Variants in UHRF2 observed in about 807,000 individuals in gnomAD.
UHRF2 encodes E3 ubiquitin-protein ligase UHRF2.
A neutral mutation model predicts 96.8 loss-of-function variants in UHRF2; 23 were observed. That is an observed-to-expected ratio of 0.24 (90% confidence interval 0.17 to 0.34). UHRF2 has a LOEUF of 0.34. Among genes scored for constraint, UHRF2 ranks in the 10% least tolerant of loss-of-function variants. UHRF2 has a pLI of 1.00. For synonymous variants in UHRF2, 385 were observed against 332.6 expected, an observed-to-expected ratio of 1.16 and a Z score of -1.72; for missense variants, 685 against 981.5, an observed-to-expected ratio of 0.70 and a Z score of 4.04.
chr9:6,431,573 C>A (rs1425495246), intron 2 of UHRF2, among the ~76,000 whole-genome samples: 1 of 151,838 alleles, frequency 6.6e-6, no homozygotes, highest in Non-Finnish European at 1.5e-5. Flanking sequence ...CAGCAGATAG[C>A]CTGTCTTAAA....
intron 2 of UHRF2, among the ~76,000 whole-genome samples, chr9:6,428,533 C>CTTTT (rs1171172143): frequency 1.5e-5 from 1 of 65,358 alleles, no homozygotes; most frequent in Non-Finnish European, 2.6e-5. Flanking sequence ...ATTGCTTTTG[C>CTTTT]TTTTTTTTTT....
chr9:6,426,947 C>T (rs777864831), intron 2 of UHRF2, among the ~76,000 whole-genome samples: 8 of 151,600 alleles, frequency 5.3e-5, no homozygotes, highest in Non-Finnish European at 1.2e-4. Context: ...CAAGATTTCA[C>T]CATGTTGGCT....
intron 4 of UHRF2, among the ~76,000 whole-genome samples, chr9:6,462,547 G>C (rs1822608622): frequency 1.3e-5 from 2 of 152,150 alleles, no homozygotes; most frequent in South Asian, 4.1e-4. Flanking sequence ...ACCTACTTGA[G>C]TGTTGGAAGT....
intron 4 of UHRF2, among the ~76,000 whole-genome samples, chr9:6,469,709 TAC>T (rs1368067013): frequency 4.0e-5 from 6 of 150,438 alleles, no homozygotes; most frequent in Non-Finnish European, 4.4e-5. Context: ...TACATACATA[TAC>T]ACACATATAT....
At chr9:6,431,638 C>G (rs914903865) in intron 2 of UHRF2, among the ~76,000 whole-genome samples, 25 of 152,070 alleles carry the variant, frequency 1.6e-4, no homozygotes, top group African/African-American at 6.0e-4. Context: ...TCAAAGAATG[C>G]CCTACCTTTG....
chr9:6,483,083 T>C (rs1451422868), intron 8 of UHRF2, among the ~76,000 whole-genome samples: 1 of 152,018 alleles, frequency 6.6e-6, no homozygotes, highest in Non-Finnish European at 1.5e-5. Flanking sequence ...CTCAGCACTT[T>C]GGAAGGCCGC....
chr9:6,441,127 C>G (rs938969219), intron 3 of UHRF2, among the ~76,000 whole-genome samples: 8 of 152,024 alleles, frequency 5.3e-5, no homozygotes, highest in African/African-American at 1.9e-4. Flanking sequence ...ACCTGTAAAC[C>G]TAGCACTTTG....
chr9:6,488,311 G>A (rs1270118725), intron 9 of UHRF2, among the ~76,000 whole-genome samples: 7 of 120,028 alleles, frequency 5.8e-5, no homozygotes, highest in African/African-American at 1.6e-4. Flanking sequence ...AAAAAAATGC[G>A]GGAAGGGGAT....
chr9:6,415,313 G>T (rs1031879580), intron 1 of UHRF2: 1 of 152,240 alleles, frequency 6.6e-6, no homozygotes, highest in African/African-American at 2.4e-5. Context: ...GTCCTAGTGG[G>T]TAATTCACTA....
intron 4 of UHRF2, among the ~76,000 whole-genome samples, chr9:6,470,784 A>G (rs1823198829): frequency 6.6e-6 from 1 of 152,216 alleles, no homozygotes; most frequent in Admixed American, 6.5e-5. Context: ...TGCAACTACT[A>G]AAAATAAAGG....
chr9:6,438,350 G>C (rs926308705), intron 3 of UHRF2, among the ~76,000 whole-genome samples: 2 of 152,188 alleles, frequency 1.3e-5, no homozygotes, highest in African/African-American at 2.4e-5. Context: ...GTTAGTAATT[G>C]TATTAGATGA....
intron 3 of UHRF2, among the ~76,000 whole-genome samples, chr9:6,455,807 G>C (rs1822140380): frequency 6.6e-6 from 1 of 151,952 alleles, no homozygotes; most frequent in South Asian, 2.1e-4. Flanking sequence ...AACATGGTGA[G>C]ACCCTGTCTC....
chr9:6,432,880 G>A (rs1383130434), intron 2 of UHRF2, among the ~76,000 whole-genome samples: 2 of 149,760 alleles, frequency 1.3e-5, no homozygotes, highest in African/African-American at 4.9e-5. Flanking sequence ...TTGCTGTATT[G>A]CCCAAACTGG....
At chr9:6,457,882 T>TTG (rs1193081950) in intron 3 of UHRF2, among the ~76,000 whole-genome samples, 1 of 152,230 alleles carries the variant, frequency 6.6e-6, no homozygotes, top group Admixed American at 6.5e-5. Flanking sequence ...GATAAGCTTT[T>TTG]TGATATATGC....
At chr9:6,438,496 CAAAG>C (rs927026599) in intron 3 of UHRF2, among the ~76,000 whole-genome samples, 38 of 152,280 alleles carry the variant, frequency 2.5e-4, no homozygotes, top group African/African-American at 9.1e-4. Flanking sequence ...GTATTTCTCT[CAAAG>C]AACTACTTTT....
At chr9:6,492,143 A>G (rs572790110) in intron 9 of UHRF2, among the ~76,000 whole-genome samples, 2 of 152,332 alleles carry the variant, frequency 1.3e-5, no homozygotes, top group South Asian at 4.1e-4. Flanking sequence ...TTAAAGTACA[A>G]ATGAGTTAAT....
intron 5 of UHRF2, among the ~76,000 whole-genome samples, chr9:6,477,022 C>T (rs1357748668): frequency 6.6e-6 from 1 of 152,072 alleles, no homozygotes; most frequent in African/African-American, 2.4e-5. Flanking sequence ...CCTGAGGGGT[C>T]AGGAGTTTGA....
chr9:6,480,382 C>T (rs4463484), intron 6 of UHRF2, among the ~76,000 whole-genome samples: 41,378 of 152,116 alleles, frequency 0.27, 7,587 homozygotes, highest in African/African-American at 0.52. Flanking sequence ...ATCCCCAGCA[C>T]GAAAATAGTG....
chr9:6,468,876 A>G (rs187953936), intron 4 of UHRF2: 1 of 357,120 alleles, frequency 2.8e-6, no homozygotes, highest in East Asian at 7.4e-5. Context: ...GACTCAGCAT[A>G]GATGCTGATT....
Sources: gnomAD v4.1 joint callset for allele counts (sites outside exome capture counted in the v4.1 genomes callset) on GRCh38, gnomAD v4.1.1 for gene constraint, MANE v1.5 for transcripts, NCBI Gene and HGNC (gene_info 2026-07-23, HGNC 2026-07-21) for gene names.